HSDL1: variants seen among roughly 807,000 people sequenced by gnomAD.
The protein encoded by HSDL1 is hydroxysteroid dehydrogenase like 1.
HSDL1 carries 29 observed loss-of-function variants against 31.5 expected under a neutral mutation model. That is an observed-to-expected ratio of 0.92 (90% CI 0.69 to 1.26). The LOEUF is 1.26. Among genes scored for constraint, HSDL1 ranks in the 50% most tolerant of loss-of-function variants. HSDL1 has a pLI of 0.00. For synonymous variants in HSDL1, 222 were observed against 155.2 expected (o/e 1.43, Z -3.20); for missense variants, 503 against 416.6 (o/e 1.21, Z -1.81).
intron 1 of HSDL1, among the ~76,000 whole-genome samples, chr16:84,144,865 AG>A (rs979482178): frequency 3.3e-5 from 5 of 149,392 alleles, no homozygotes; most frequent in African/African-American, 1.2e-4. Context: ...GTCTGAAGGA[AG>A]GAGTCTCACG....
At chr16:84,126,718 G>A (rs1162644794) in intron 5 of HSDL1, among the ~76,000 whole-genome samples, 1 of 147,322 alleles carries the variant, frequency 6.8e-6, no homozygotes, top group African/African-American at 2.5e-5. Flanking sequence ...TTACTCTCCA[G>A]GGAGGACACA....
rs1286812743 is a variant in HSDL1, at chr16:84,122,219, A to T, written c.*2411T>A. The T allele has an allele frequency of 6.6e-6, 1 of 152,082 alleles. No homozygotes were observed. The highest frequency in any genetic ancestry group is 1.5e-5 in the Non-Finnish European group (1 of 67,646). The allele number at this position is 152,082 out of a possible 1,614,324, so 9.4% of individuals were successfully genotyped here. A position where few individuals can be genotyped will look rare whatever the true frequency, so the allele number is the denominator to read the frequency against. ...TAATTTCTTGCAATCACTCCTAAGA[A>T]AAAAAAATTCTCTCATTCCAAATTA... is the stretch of plus-strand genomic sequence containing the variant. On this transcript the variant is annotated 3_prime_UTR_variant, in exon 6 of 6. Transcript: ENST00000219439.
At chr16:84,132,679 G>A (rs927437238) in intron 2 of HSDL1, among the ~76,000 whole-genome samples, 3 of 152,194 alleles carry the variant, frequency 2.0e-5, no homozygotes, top group African/African-American at 4.8e-5. Context: ...ACATGATGTG[G>A]TAGGTGTGTG....
At chr16:84,138,113 G>A (rs1344855712) in intron 1 of HSDL1, among the ~76,000 whole-genome samples, 5 of 152,184 alleles carry the variant, frequency 3.3e-5, no homozygotes, top group Non-Finnish European at 1.5e-5. Context: ...GTAAGTGTTT[G>A]CTGTTTCCAA....
rs1221166678 is a variant in HSDL1 at position 84,124,651 on chromosome 16, T to C, written c.972A>G (p.Glu324=). Residue 324 remains glutamate, a synonymous_variant, in exon 6 of 6, where the codon GAA becomes GAG. Transcript: ENST00000219439. The stretch of plus-strand genomic sequence containing the variant: ...AGACTCAGGCTGTGCAGGATAAGGC[T>C]TCCTTACGTAGTGAACGGTTGAGAA... The part of the protein sequence containing the change: ...ANILNRSLRK[E]ALSCTA The C allele has an allele frequency of 6.2e-7, 1 of 1,613,278 alleles. No homozygotes were observed. Among genetic ancestry groups the C allele is most frequent in the East Asian group, 2.2e-5 (1 of 44,874 alleles).
At position 84,130,301 on chromosome 16, in the gene HSDL1, C is replaced by A; in HGVS notation, c.351G>T (p.Val117=). 1 of 1,614,218 alleles carries A rather than the reference C, an allele frequency of 6.2e-7. No individual in the cohort carries two copies. The highest frequency in any genetic ancestry group is 1.1e-5 in the South Asian group (1 of 91,078). Residue 117 remains valine, a synonymous_variant, in exon 4 of 6, where the codon GTG becomes GTT. Transcript: ENST00000219439. ...AGTCCGCAACTATAATATCAGTTTC[C>A]ACTTTGTACGTGTCGGCTATGTCTT... ...VAKDIADTYK[V]ETDIIVADFS... is the part of the protein sequence containing the mutation.
chr16:84,143,652 A>G (rs1296152774), intron 1 of HSDL1, among the ~76,000 whole-genome samples: 1 of 152,124 alleles, frequency 6.6e-6, no homozygotes, highest in East Asian at 1.9e-4. Context: ...AAAAAAAAGT[A>G]GCACCAATAT....
At position 84,125,652 on chromosome 16, in the gene HSDL1, C is replaced by G. The variant is rs544096468; in HGVS notation, c.895-924G>C. 1.4e-4 allele frequency among the ~76,000 whole-genome samples: 21 copies of G among 152,338 alleles called. No homozygotes were observed. In the South Asian group the frequency reaches 4.1e-3, roughly 30 times the overall value. On this transcript the variant is annotated intron_variant, in intron 5 of 5. Coordinates refer to ENST00000219439, the MANE Select transcript of HSDL1 (RefSeq NM_031463.5). ...CTCCAGGTACTACTGTACTGAATACCTACTTTTGCCTAAGATCTTACCCTA... is the reference window on the plus strand; with the variant it reads ...CTCCAGGTACTACTGTACTGAATACGTACTTTTGCCTAAGATCTTACCCTA...
chr16:84,140,395 G>C (rs1312535435), intron 1 of HSDL1, among the ~76,000 whole-genome samples: 1 of 152,042 alleles, frequency 6.6e-6, no homozygotes, highest in Non-Finnish European at 1.5e-5. Flanking sequence ...CTCCCGAGTA[G>C]CTGGGACTAC....
Position 84,125,728 on chromosome 16 carries a change from G to A in HSDL1, c.895-1000C>T, listed in dbSNP as rs1046518278. On this transcript the variant is annotated intron_variant, in intron 5 of 5. Transcript: ENST00000219439. Reference sequence around the variant, plus strand: ...CCACCACCCACCTACCCGACTTTCTGTAATGAGGCTGGACTGTCCTGCATG... The same window carrying A: ...CCACCACCCACCTACCCGACTTTCTATAATGAGGCTGGACTGTCCTGCATG... Among the ~76,000 whole-genome samples, 3 of 152,208 alleles carry A rather than the reference G, an allele frequency of 2.0e-5. No individual in the cohort carries two copies. The South Asian group carries it at 6.2e-4, about 31-fold the overall frequency.
At position 84,131,144 on chromosome 16, in the gene HSDL1, C is replaced by T; in HGVS notation, c.178G>A (p.Ala60Thr). 6.2e-7 allele frequency: 1 copy of T among 1,614,210 alleles called. No individual in the cohort carries two copies. The highest frequency in any genetic ancestry group is 8.5e-7 in the Non-Finnish European group (1 of 1,180,042). The change falls in exon 3 of 6, where the codon GCA (alanine) becomes ACA (threonine). Residue 60 changes from alanine (A) to threonine (T), a missense_variant. Ala to Thr is a moderately conservative substitution (Grantham distance 58). Transcript: ENST00000219439. ...CTTCCATACTGCTTGATCAAGTCTG[C>T]TCTGCTCCCCAGGCGGGGGATAAAA... The part of the protein sequence containing the change: ...LHFIPRLGSR[A>T]DLIKQYGRWA...
intron 1 of HSDL1, among the ~76,000 whole-genome samples, chr16:84,144,827 T>C (rs2086826995): frequency 8.6e-6 from 1 of 116,832 alleles, no homozygotes; most frequent in South Asian, 2.8e-4. Flanking sequence ...GGCTCTGAGA[T>C]GTGAAGGGGC....
Position 84,124,506 on chromosome 16 carries a change from CGAATCAACAGTATGCT to C in HSDL1, c.*108_*123del. The C allele has an allele frequency of 1.5e-6, 1 of 668,986 alleles. No individual in the cohort carries two copies. The highest frequency in any genetic ancestry group is 2.7e-6 in the Non-Finnish European group (1 of 368,082). 41.4% of individuals were successfully genotyped at this position (668,986 alleles called of 1,614,324 possible). ...GGTATTATGTGTGTTTTGCAAATGA[CGAATCAACAGTATGCT>C]GAATAATCAGCAATGAAACACAGGA... On this transcript the variant is annotated 3_prime_UTR_variant, in exon 6 of 6. Coordinates refer to ENST00000219439, the MANE Select transcript of HSDL1 (RefSeq NM_031463.5).
Position 84,124,492 on chromosome 16 carries a change from T to C in HSDL1, c.*138A>G, listed in dbSNP as rs1460300894. The C allele has an allele frequency of 1.6e-6, 1 of 628,528 alleles. No homozygotes were observed. The highest frequency in any genetic ancestry group is 2.9e-6 in the Non-Finnish European group (1 of 339,398). 38.9% of individuals were successfully genotyped at this position (628,528 alleles called of 1,614,324 possible). ...CACAGCACTCTGACGGTATTATGTGTGTTTTGCAAATGACGAATCAACAGT... is the reference window on the plus strand; with the variant it reads ...CACAGCACTCTGACGGTATTATGTGCGTTTTGCAAATGACGAATCAACAGT... On this transcript the variant is annotated 3_prime_UTR_variant, in exon 6 of 6. Transcript: ENST00000219439.
At chr16:84,138,529 G>A (rs1004021471) in intron 1 of HSDL1, among the ~76,000 whole-genome samples, 23 of 152,032 alleles carry the variant, frequency 1.5e-4, no homozygotes, top group Admixed American at 6.6e-5. Context: ...ATTTGGTTGT[G>A]GTGATCATTT....
intron 1 of HSDL1, among the ~76,000 whole-genome samples, chr16:84,138,716 G>A (rs1037388232): frequency 6.6e-6 from 1 of 152,196 alleles, no homozygotes; most frequent in Admixed American, 6.5e-5. Context: ...AACCACAACT[G>A]TCCCCAAACT....
In HSDL1 at chr16:84,124,578, G is replaced by A; in HGVS notation, c.*52C>T. On this transcript the variant is annotated 3_prime_UTR_variant, in exon 6 of 6. Coordinates refer to ENST00000219439, the MANE Select transcript of HSDL1 (RefSeq NM_031463.5). ...ATTAAATGTGTTTTTCCAAATGTCA[G>A]AATATCGAGGTTCCCAGGAGTTGGC... 9.5e-7 allele frequency: 1 copy of A among 1,054,986 alleles called. No individual in the cohort carries two copies. Among genetic ancestry groups the A allele is most frequent in the Non-Finnish European group, 1.5e-6 (1 of 672,670 alleles). 65.4% of individuals were successfully genotyped at this position (1,054,986 alleles called of 1,614,324 possible).
chr16:84,144,618 T>A (rs2151195338), intron 1 of HSDL1, among the ~76,000 whole-genome samples: 1 of 151,448 alleles, frequency 6.6e-6, no homozygotes, highest in African/African-American at 2.4e-5. Context: ...CGTTCAGAAA[T>A]GAGAATAAAG....
At chr16:84,135,225 T>G (rs957212949) in intron 2 of HSDL1, among the ~76,000 whole-genome samples, 24 of 146,942 alleles carry the variant, frequency 1.6e-4, no homozygotes, top group African/African-American at 5.9e-4. Flanking sequence ...AGAGGGAGAC[T>G]CCGTCTCAAA....
Sources: allele counts gnomAD v4.1 joint callset (sites outside exome capture counted in the v4.1 genomes callset), GRCh38; gene constraint gnomAD v4.1.1; transcripts MANE v1.5; gene names NCBI Gene and HGNC (gene_info 2026-07-23, HGNC 2026-07-21).